THADA: variants seen among roughly 807,000 people sequenced by gnomAD.
THADA encodes the protein tRNA (32-2'-O)-methyltransferase regulator THADA.
THADA carries 213 observed loss-of-function variants against 219.8 expected under a neutral mutation model. The observed-to-expected ratio is 0.97, with a 90% CI of 0.87 to 1.09. The LOEUF is 1.09. Ranked by LOEUF, THADA falls within the 50% of genes least tolerant of loss-of-function variation. The pLI is 0.00. For synonymous variants in THADA, 1,018 were observed against 828.9 expected (o/e 1.23, Z -3.92); for missense variants, 2,956 against 2,311.3 (o/e 1.28, Z -5.72).
At chr2:43,465,345 CA>C (rs1297816552) in intron 26 of THADA, among the ~76,000 whole-genome samples, 2 of 152,148 alleles carry the variant, frequency 1.3e-5, no homozygotes, top group Admixed American at 6.5e-5. Flanking sequence ...CTTAACACTC[CA>C]AAACTTAACG....
chr2:43,538,909 C>G (rs1016040064), intron 21 of THADA, among the ~76,000 whole-genome samples: 3 of 152,190 alleles, frequency 2.0e-5, no homozygotes, highest in African/African-American at 4.8e-5. Flanking sequence ...ACCTTTTATA[C>G]TCCTATATGG....
At chr2:43,237,071 CA>C (rs35242458) in intron 36 of THADA, among the ~76,000 whole-genome samples, 27,462 of 78,178 alleles carry the variant, frequency 0.35, 3,027 homozygotes, top group African/African-American at 0.5. Flanking sequence ...GACTCTGTCT[CA>C]AAAAAAAAAA....
chr2:43,574,933 G>A lies in THADA; in HGVS notation c.1132C>T (p.Leu378=). The stretch of plus-strand genomic sequence containing the variant: ...GAATTCCCATTCAGGCTGTCCGTTA[G>A]GCTCGGGGAACTTGATTCAAGGACT... ...IQVLESSSPS[L]TDSLNGNSSI... is the part of the protein sequence containing the mutation. Residue 378 remains leucine (L), a synonymous_variant, in exon 11 of 38, where the codon CTA becomes TTA. Coordinates refer to ENST00000405975, the MANE Select transcript of THADA (RefSeq NM_022065.5). 6.2e-7 allele frequency: 1 copy of A among 1,613,978 alleles called. No individual in the cohort carries two copies. The highest frequency in any genetic ancestry group is 1.1e-5 in the South Asian group (1 of 91,086).
intron 15 of THADA, chr2:43,566,074 C>A (rs1698640126): frequency 5.8e-6 from 1 of 173,292 alleles, no homozygotes; most frequent in Non-Finnish European, 1.2e-5. Context: ...GGCAACAGAG[C>A]TAGACTCTGT....
At chr2:43,274,993 C>CTTT (rs202126240) in intron 36 of THADA, among the ~76,000 whole-genome samples, 28 of 121,632 alleles carry the variant, frequency 2.3e-4, no homozygotes, top group South Asian at 6.5e-4. Context: ...CTTTTCTTTT[C>CTTT]TTTTCTTTTT....
intron 20 of THADA, among the ~76,000 whole-genome samples, chr2:43,545,912 C>T (rs1017861355): frequency 5.3e-5 from 8 of 152,022 alleles, no homozygotes; most frequent in African/African-American, 1.9e-4. Flanking sequence ...TTGCCTTCTG[C>T]TAGCTTTTGA....
chr2:43,538,216 CA>C lies in THADA; in HGVS notation c.3264+2942del, dbSNP rs1173733729. 2.6e-5 allele frequency among the ~76,000 whole-genome samples: 4 copies of C among 152,292 alleles called. No individual in the cohort carries two copies. The East Asian group carries it at 7.7e-4, about 29-fold the overall frequency. On this transcript the variant is annotated intron_variant, in intron 21 of 37. Coordinates refer to ENST00000405975, the MANE Select transcript of THADA (RefSeq NM_022065.5). ...AAGAGAACCAACAAAATATAACAAGCAAAAGCTCTACATCAGCAAAACATCA... is the reference window on the plus strand; with the variant it reads ...AAGAGAACCAACAAAATATAACAAGCAAAGCTCTACATCAGCAAAACATCA...
chr2:43,302,664 C>G (rs559302722), intron 31 of THADA, among the ~76,000 whole-genome samples: 2 of 152,072 alleles, frequency 1.3e-5, no homozygotes, highest in East Asian at 1.9e-4. Flanking sequence ...AACCTACTAT[C>G]TATTATCACT....
chr2:43,574,359 T>C lies in THADA; in HGVS notation c.1706A>G (p.Gln569Arg), dbSNP rs765394668. The change falls in exon 11 of 38, where the codon CAG becomes CGG. Residue 569 changes from glutamine (Q) to arginine (R), a missense_variant. Transcript: ENST00000405975. ...ACCAGTTTTAGCATCAATAGAAGTC[T>C]GAAGAATCTTTACCATGTACTGTAA... The part of the protein sequence containing the change: ...ESLQYMVKIL[Q>R]TSIDAKTGQE... The C allele has an allele frequency of 6.3e-7, 1 of 1,578,194 alleles. No homozygotes were observed. The highest frequency in any genetic ancestry group is 8.6e-7 in the Non-Finnish European group (1 of 1,165,474).
intron 29 of THADA, among the ~76,000 whole-genome samples, chr2:43,365,578 C>T (rs1190898166): frequency 4.5e-4 from 68 of 151,692 alleles, no homozygotes; most frequent in African/African-American, 1.6e-3. Flanking sequence ...CACACACACA[C>T]ACACACACAC....
intron 26 of THADA, among the ~76,000 whole-genome samples, chr2:43,478,813 T>C (rs557332743): frequency 6.6e-6 from 1 of 152,336 alleles, no homozygotes; most frequent in East Asian, 1.9e-4. Flanking sequence ...TTCTTTTCAG[T>C]TAAAAACTTT....
intron 26 of THADA, among the ~76,000 whole-genome samples, chr2:43,451,169 CTGG>C (rs1682270442): frequency 6.6e-6 from 1 of 152,130 alleles, no homozygotes; most frequent in Non-Finnish European, 1.5e-5. Context: ...CAGAGCTGTT[CTGG>C]TTGAAGCAGG....
chr2:43,460,892 A>G (rs191567089), intron 26 of THADA, among the ~76,000 whole-genome samples: 2 of 152,316 alleles, frequency 1.3e-5, no homozygotes, highest in East Asian at 3.9e-4. Context: ...GTCCTAAAGT[A>G]TTCTAGGTGA....
intron 15 of THADA, chr2:43,566,007 G>GAAC (rs933024875): frequency 7.1e-5 from 11 of 154,642 alleles, no homozygotes; most frequent in African/African-American, 2.6e-4. Flanking sequence ...AGAATCGCTT[G>GAAC]AACCCAGCAG....
intron 24 of THADA, among the ~76,000 whole-genome samples, chr2:43,501,238 G>A (rs576102481): frequency 4.9e-5 from 7 of 144,116 alleles, no homozygotes; most frequent in Non-Finnish European, 1.1e-4. Flanking sequence ...CCCAGGAGGC[G>A]GAGGTTGCAG....
At chr2:43,381,097 CAAAAAAAAAAA>C (rs58711910) in intron 29 of THADA, among the ~76,000 whole-genome samples, 1 of 54,400 alleles carries the variant, frequency 1.8e-5, no homozygotes, top group Non-Finnish European at 3.2e-5. Flanking sequence ...GAGACTTTGT[CAAAAAAAAAAA>C]AAAAAAAAAA....
At chr2:43,460,397 C>G (rs1683493827) in intron 26 of THADA, among the ~76,000 whole-genome samples, 1 of 152,020 alleles carries the variant, frequency 6.6e-6, no homozygotes, top group South Asian at 2.1e-4. Flanking sequence ...TCTGTCCATG[C>G]AAAGATTTGG....
In THADA at chr2:43,428,206, G is replaced by A. The variant is rs1339614664; in HGVS notation, c.3952C>T (p.Pro1318Ser). Reference protein sequence around the residue: ...DSDMGEPNRHPSMFLLLLVLE... With the variant: ...DSDMGEPNRHSSMFLLLLVLE... Reference sequence around the variant, plus strand: ...ACCAAAAGTAAGAGAAACATGCTTGGATGACGATTTGGTTCTCCCATATCA... The same window carrying A: ...ACCAAAAGTAAGAGAAACATGCTTGAATGACGATTTGGTTCTCCCATATCA... The change falls in exon 28 of 38, where the codon CCA becomes TCA. Residue 1318 changes from proline (P) to serine (S), a missense_variant. Transcript: ENST00000405975. 3.7e-6 allele frequency: 6 copies of A among 1,603,484 alleles called. No individual in the cohort carries two copies. The East Asian group carries it at 9.0e-5, about 24-fold the overall frequency.
At chr2:43,581,269 C>A (rs745573589) in intron 8 of THADA, among the ~76,000 whole-genome samples, 11 of 152,110 alleles carry the variant, frequency 7.2e-5, no homozygotes, top group Non-Finnish European at 1.6e-4. Context: ...GTGGCTCACA[C>A]CTGTAATCCC....
Sources: allele counts gnomAD v4.1 joint callset (sites outside exome capture counted in the v4.1 genomes callset), GRCh38; gene constraint gnomAD v4.1.1; transcripts MANE v1.5; gene names NCBI Gene and HGNC (gene_info 2026-07-23, HGNC 2026-07-21).